Variants in MMP25 observed in about 807,000 individuals in gnomAD.
MMP25 encodes the protein matrix metalloproteinase-25.
In MMP25, 68 loss-of-function variants were observed where a neutral mutation model predicts 62.1. That is an observed-to-expected ratio of 1.10 (90% CI 0.90 to 1.34). The LOEUF (loss-of-function observed/expected upper bound fraction) is 1.34, where lower values mean the gene tolerates loss of function less well. MMP25 is among the 40% of genes most tolerant of loss of function. The probability of loss-of-function intolerance (pLI) is 0.00; values close to 1 mark genes in which losing one functional copy is unlikely to be tolerated. For synonymous variants in MMP25, 407 were observed against 345.6 expected (o/e 1.18, Z -1.97); for missense variants, 942 against 792.5 (o/e 1.19, Z -2.26).
In MMP25 at chr16:3,046,947, G is replaced by T. The variant is rs1301651375; in HGVS notation, c.30G>T (p.Leu10=). 5.4e-6 allele frequency: 8 copies of T among 1,469,680 alleles called. No homozygotes were observed. Among genetic ancestry groups the T allele is most frequent in the African/African-American group, 1.5e-5 (1 of 67,922 alleles). 91.0% of individuals were successfully genotyped at this position (1,469,680 alleles called of 1,614,324 possible). MRLRLRLLA[L]LLLLLAPPAR... The stretch of plus-strand genomic sequence containing the variant: ...GGCTGCGGCTCCGGCTTCTGGCGCT[G>T]CTGCTTCTGCTGCTGGCACCGCCCG... Residue 10 remains leucine (L), a synonymous_variant, in exon 1 of 10, where the codon CTG becomes CTT. Coordinates refer to ENST00000336577, the MANE Select transcript of MMP25 (RefSeq NM_022468.5).
chr16:3,050,861 G>A (rs1955892922), intron 4 of MMP25, among the ~76,000 whole-genome samples: 1 of 151,982 alleles, frequency 6.6e-6, no homozygotes, highest in Non-Finnish European at 1.5e-5. Flanking sequence ...GCACGATCAC[G>A]GCTCACTGCA....
intron 4 of MMP25, among the ~76,000 whole-genome samples, chr16:3,050,772 C>A (rs767946441): frequency 1.3e-5 from 2 of 152,152 alleles, no homozygotes; most frequent in Non-Finnish European, 2.9e-5. Flanking sequence ...ACCACCATAC[C>A]TGGCTATTTT....
chr16:3,058,266 C>G lies in MMP25; in HGVS notation c.1092C>G (p.Pro364=), dbSNP rs1189210418. 8.1e-6 allele frequency: 13 copies of G among 1,611,074 alleles called. No homozygotes were observed. Among genetic ancestry groups the G allele is most frequent in the Non-Finnish European group, 1.0e-5 (12 of 1,179,234 alleles). ...ARLHRFWEGL[P]AQVRVVQAAY... ...TGCACCGCTTCTGGGAGGGGCTGCCCGCCCAGGTGAGGGTGGTGCAGGCCG... is the reference window on the plus strand; with the variant it reads ...TGCACCGCTTCTGGGAGGGGCTGCCGGCCCAGGTGAGGGTGGTGCAGGCCG... The change falls in exon 8 of 10, where the codon CCC becomes CCG. Residue 364 remains proline, a synonymous_variant. Transcript: ENST00000336577.
Position 3,059,384 on chromosome 16 carries a change from C to G in MMP25, c.*286C>G, listed in dbSNP as rs1166356117. The stretch of plus-strand genomic sequence containing the variant: ...GGGACCATGCGTCGGTCGTCGCCCC[C>G]GTCGTTCCCTCCCGGCTGCCGCCAG... On this transcript the variant is annotated 3_prime_UTR_variant, in exon 10 of 10. Coordinates refer to ENST00000336577, the MANE Select transcript of MMP25 (RefSeq NM_022468.5). 9.2e-6 allele frequency: 3 copies of G among 325,106 alleles called. No individual in the cohort carries two copies. Among genetic ancestry groups the G allele is most frequent in the African/African-American group, 4.3e-5 (2 of 46,680 alleles). 20.1% of individuals were successfully genotyped at this position (325,106 alleles called of 1,614,324 possible). A position where few individuals can be genotyped will look rare whatever the true frequency, so the allele number is the denominator to read the frequency against.
intron 7 of MMP25, 45 bp from the exon 8 acceptor site, chr16:3,058,136 T>C (rs1345258514): frequency 1.3e-6 from 2 of 1,597,320 alleles, no homozygotes; most frequent in East Asian, 4.6e-5. Context: ...GGAGGAGACC[T>C]CCTGCTGTCT....
At chr16:3,056,274 A>C in intron 4 of MMP25, 1 of 237,770 alleles carries the variant, frequency 4.2e-6, no homozygotes, top group South Asian at 4.6e-5. Context: ...CTGACTATAG[A>C]CTGTAGCTGG....
rs61747718 is a variant in MMP25 at position 3,057,047 on chromosome 16, G to T, written c.676G>T (p.Asp226Tyr). The change falls in exon 5 of 10, where the codon GAC (aspartate) becomes TAC (tyrosine). Residue 226 changes from aspartate (D) to tyrosine (Y), a missense_variant. Coordinates refer to ENST00000336577, the MANE Select transcript of MMP25 (RefSeq NM_022468.5). ...TTCTCCTGCAGACGGCGAGGGGACC[G>T]ACCTGTTTGCCGTGGCTGTCCATGA... ...TFGSKDGEGT[D>Y]LFAVAVHEFG... The T allele has an allele frequency of 6.3e-7, 1 of 1,587,192 alleles. No individual in the cohort carries two copies.
chr16:3,058,178 C>A lies in MMP25; in HGVS notation c.1007-3C>A. On this transcript the variant is annotated splice_polypyrimidine_tract_variant and splice_region_variant and intron_variant, in intron 7 of 9. Transcript: ENST00000336577. ...TTCCTGCGAACCCCTTTGTCCCCTG[C>A]AGGCCCCTGGTTCTGGCGCCTCCAG... is the stretch of plus-strand genomic sequence containing the variant. 6.2e-7 allele frequency: 1 copy of A among 1,612,132 alleles called. No homozygotes were observed. The highest frequency in any genetic ancestry group is 8.5e-7 in the Non-Finnish European group (1 of 1,179,178).
rs1460590882 is a variant in MMP25 at position 3,046,884 on chromosome 16, C to G, written c.-34C>G. 3.8e-6 allele frequency: 5 copies of G among 1,321,722 alleles called. No individual in the cohort carries two copies. Among genetic ancestry groups the G allele is most frequent in the Non-Finnish European group, 9.8e-7 (1 of 1,022,180 alleles). The allele number at this position is 1,321,722 out of a possible 1,614,324, so 81.9% of individuals were successfully genotyped here. ...GGGGCGGCCCCAGCCAGGCCCCCTT[C>G]GAACCCCGCCGGCGGCCCGGGCTGG... On this transcript the variant is annotated 5_prime_UTR_variant, in exon 1 of 10. Coordinates refer to ENST00000336577, the MANE Select transcript of MMP25 (RefSeq NM_022468.5).
At chr16:3,056,318 G>A (rs1329769229) in intron 4 of MMP25, 2 of 203,600 alleles carry the variant, frequency 9.8e-6, no homozygotes, top group Non-Finnish European at 2.1e-5. Flanking sequence ...GGGGCTGCCT[G>A]AAGAGAATGG....
intron 2 of MMP25, among the ~76,000 whole-genome samples, chr16:3,049,431 G>T (rs915463895): frequency 6.6e-6 from 1 of 152,126 alleles, no homozygotes; most frequent in African/African-American, 2.4e-5. Flanking sequence ...ATCACTATTT[G>T]CCGCCTCAAT....
Position 3,046,868 on chromosome 16 carries a change from C to T in MMP25, c.-50C>T. The T allele has an allele frequency of 8.6e-7, 1 of 1,159,880 alleles. No individual in the cohort carries two copies. The highest frequency in any genetic ancestry group is 1.9e-5 in the South Asian group (1 of 51,462). 71.8% of individuals were successfully genotyped at this position (1,159,880 alleles called of 1,614,324 possible). A position where few individuals can be genotyped will look rare whatever the true frequency, so the allele number is the denominator to read the frequency against. On this transcript the variant is annotated 5_prime_UTR_variant, in exon 1 of 10. Coordinates refer to ENST00000336577, the MANE Select transcript of MMP25 (RefSeq NM_022468.5). ...CCTCCCCCAGGTCCCCGGGGCGGCCCCAGCCAGGCCCCCTTCGAACCCCGC... is the reference window on the plus strand; with the variant it reads ...CCTCCCCCAGGTCCCCGGGGCGGCCTCAGCCAGGCCCCCTTCGAACCCCGC...
At position 3,058,936 on chromosome 16, in the gene MMP25, C is replaced by G. The variant is rs751337883; in HGVS notation, c.1527C>G (p.Pro509=). The G allele has an allele frequency of 6.5e-7, 1 of 1,549,514 alleles. No homozygotes were observed. The highest frequency in any genetic ancestry group is 8.7e-7 in the Non-Finnish European group (1 of 1,146,360). ...QPMGPNWLDC[P]APSSGPRAPR... ...TGGGGCCCAACTGGCTGGACTGCCC[C>G]GCCCCGAGCTCTGGTCCCCGCGCCC... The change falls in exon 10 of 10, where the codon CCC becomes CCG. Residue 509 remains proline, a synonymous_variant. Transcript: ENST00000336577.
At chr16:3,056,983 C>T (rs777127347) in intron 4 of MMP25, 50 bp from the exon 5 acceptor site, 4 of 1,518,998 alleles carry the variant, frequency 2.6e-6, no homozygotes, top group Non-Finnish European at 3.5e-6. Flanking sequence ...TCCTGTGGCC[C>T]CTTTCCCCAA....
At position 3,058,942 on chromosome 16, in the gene MMP25, G is replaced by A. The variant is rs930432426; in HGVS notation, c.1533G>A (p.Pro511=). The change falls in exon 10 of 10, where the codon CCG becomes CCA. Residue 511 remains proline, a synonymous_variant. Coordinates refer to ENST00000336577, the MANE Select transcript of MMP25 (RefSeq NM_022468.5). ...CCAACTGGCTGGACTGCCCCGCCCC[G>A]AGCTCTGGTCCCCGCGCCCCCAGGC... The part of the protein sequence containing the change: ...MGPNWLDCPA[P]SSGPRAPRPP... 6.7e-7 allele frequency: 1 copy of A among 1,498,120 alleles called. No homozygotes were observed. The highest frequency in any genetic ancestry group is 1.2e-5 in the South Asian group (1 of 81,688). 92.8% of individuals were successfully genotyped at this position (1,498,120 alleles called of 1,614,324 possible).
intron 6 of MMP25, 61 bp from the exon 7 acceptor site, chr16:3,057,470 G>T (rs898406454): frequency 6.3e-7 from 1 of 1,597,068 alleles, no homozygotes; most frequent in African/African-American, 1.3e-5. Context: ...GGGGATGGTG[G>T]GGGTCCCTGC....
intron 4 of MMP25, chr16:3,054,687 G>A (rs1284380235): frequency 7.3e-6 from 1 of 137,660 alleles, no homozygotes; most frequent in Non-Finnish European, 1.6e-5. Flanking sequence ...CACAGAGGTG[G>A]GGATGGATGG....
intron 1 of MMP25, 56 bp from the exon 2 acceptor site, chr16:3,047,359 G>C: frequency 6.4e-7 from 1 of 1,566,096 alleles, no homozygotes; most frequent in Non-Finnish European, 8.7e-7. Context: ...GTGGTGGGCA[G>C]AGAGAGCCCA....
rs772661855 is a variant in MMP25 at position 3,050,559 on chromosome 16, CT to C, written c.661+14del. On this transcript the variant is annotated intron_variant, in intron 4 of 9. Coordinates refer to ENST00000336577, the MANE Select transcript of MMP25 (RefSeq NM_022468.5). Reference sequence around the variant, plus strand: ...TTTGGGTCAAAAGGTAAAATCTCCTCTCTTATGAGAGATCCTCTTGCCAGGT... The same window carrying C: ...TTTGGGTCAAAAGGTAAAATCTCCTCCTTATGAGAGATCCTCTTGCCAGGT... 88 of 1,515,446 alleles carry C rather than the reference CT, an allele frequency of 5.8e-5. 1 individual carries two copies. In the Admixed American group the frequency reaches 1.9e-3, roughly 32 times the overall value. The allele number at this position is 1,515,446 out of a possible 1,614,324, so 93.9% of individuals were successfully genotyped here. A position where few individuals can be genotyped will look rare whatever the true frequency, so the allele number is the denominator to read the frequency against.
Sources: gnomAD v4.1 joint callset for allele counts (sites outside exome capture counted in the v4.1 genomes callset) on GRCh38, gnomAD v4.1.1 for gene constraint, MANE v1.5 for transcripts, NCBI Gene and HGNC (gene_info 2026-07-23, HGNC 2026-07-21) for gene names.